FGF13: variants seen among roughly 807,000 people sequenced by gnomAD.
FGF13 encodes fibroblast growth factor 13, also known as fibroblast growth factor homologous factor 2.
A neutral mutation model predicts 19.5 loss-of-function variants in FGF13; 2 were observed. The observed-to-expected ratio is 0.10, with a 90% CI of 0.04 to 0.32. The LOEUF is 0.32. Among genes scored for constraint, FGF13 ranks in the 10% least tolerant of loss-of-function variants. The probability of loss-of-function intolerance (pLI) is 1.00; values close to 1 mark genes in which losing one functional copy is unlikely to be tolerated. For synonymous variants in FGF13, 72 were observed against 76.9 expected (o/e 0.94, Z 0.33); for missense variants, 113 against 192.7 (o/e 0.59, Z 2.45).
chrX:138,833,059 C>T (rs75290496), intron 3 of FGF13, among the ~76,000 whole-genome samples: 3 of 111,924 alleles, frequency 2.7e-5, no homozygotes, highest in Non-Finnish European at 5.6e-5. Context: ...GTTTTGGTTA[C>T]TGTAGTCCTG....
At chrX:138,648,583 T>C (rs1198859308) in intron 3 of FGF13, among the ~76,000 whole-genome samples, 1 of 111,746 alleles carries the variant, frequency 8.9e-6, no homozygotes, top group Non-Finnish European at 1.9e-5. Flanking sequence ...ACAAGGAGTA[T>C]GTAACTAATT....
chrX:139,112,531 A>T (rs2083610890), intron 1 of FGF13, among the ~76,000 whole-genome samples: 1 of 111,865 alleles, frequency 8.9e-6, no homozygotes, highest in Admixed American at 9.5e-5. Flanking sequence ...AAAAGCTTGC[A>T]CCCATTAGCA....
chrX:138,654,950 T>G (rs1268891665), intron 3 of FGF13, among the ~76,000 whole-genome samples: 1 of 111,333 alleles, frequency 9.0e-6, no homozygotes, highest in African/African-American at 3.3e-5. Flanking sequence ...CCCAGGAGAT[T>G]TCTCTGCAAG....
At chrX:138,646,338 G>C (rs1249115423) in intron 3 of FGF13, among the ~76,000 whole-genome samples, 1 of 111,809 alleles carries the variant, frequency 8.9e-6, no homozygotes, top group Non-Finnish European at 1.9e-5. Flanking sequence ...ATCCAGTGCA[G>C]GGAAGCAGCT....
chrX:139,120,972 G>A (rs1368336414), intron 1 of FGF13, among the ~76,000 whole-genome samples: 1 of 112,415 alleles, frequency 8.9e-6, no homozygotes, highest in African/African-American at 3.2e-5. Context: ...GACCTCACTC[G>A]CGAATAATTT....
intron 1 of FGF13, among the ~76,000 whole-genome samples, chrX:138,928,539 A>AC (rs1171151889): frequency 1.8e-5 from 2 of 110,247 alleles, no homozygotes; most frequent in African/African-American, 6.6e-5. Flanking sequence ...AAAGAAAAAG[A>AC]CCCCACCCAG....
intron 3 of FGF13, among the ~76,000 whole-genome samples, chrX:138,670,714 A>G (rs2089602364): frequency 9.0e-6 from 1 of 111,503 alleles, no homozygotes; most frequent in African/African-American, 3.3e-5. Context: ...TTTTTGTTTC[A>G]GTATAAAATA....
chrX:139,043,471 C>A (rs537150950), intron 1 of FGF13, among the ~76,000 whole-genome samples: 2 of 110,767 alleles, frequency 1.8e-5, no homozygotes, highest in South Asian at 7.7e-4. Flanking sequence ...CCTCGGCTTC[C>A]CAAAGTGCTG....
At chrX:138,889,485 C>T (rs756665803) in intron 1 of FGF13, among the ~76,000 whole-genome samples, 1 of 111,663 alleles carries the variant, frequency 9.0e-6, no homozygotes, top group Non-Finnish European at 1.9e-5. Context: ...ATGGCAAACC[C>T]CAAGGGTAAC....
At chrX:139,081,448 C>T (rs1245559334) in intron 1 of FGF13, among the ~76,000 whole-genome samples, 1 of 111,890 alleles carries the variant, frequency 8.9e-6, no homozygotes. Flanking sequence ...TTTCCATCTA[C>T]ACTTCGTTAT....
chrX:138,772,547 A>G (rs1442788683), intron 3 of FGF13, among the ~76,000 whole-genome samples: 1 of 111,344 alleles, frequency 9.0e-6, no homozygotes, highest in Non-Finnish European at 1.9e-5. Flanking sequence ...TCTTCAATCC[A>G]TGCTGTTTTC....
chrX:138,708,764 A>T (rs1311515136), intron 2 of FGF13, 54 bp downstream of exon 2: 2 of 786,691 alleles, frequency 2.5e-6, no homozygotes, highest in East Asian at 3.2e-5. Flanking sequence ...AAATAAATAA[A>T]AACAGAATGT....
At chrX:138,670,771 C>G (rs755970814) in intron 3 of FGF13, among the ~76,000 whole-genome samples, 10 of 111,587 alleles carry the variant, frequency 9.0e-5, no homozygotes, top group African/African-American at 3.2e-4. Flanking sequence ...TTCTGGAATA[C>G]TCAACTTATA....
intron 1 of FGF13, among the ~76,000 whole-genome samples, chrX:138,973,199 T>C (rs763611209): frequency 8.9e-6 from 1 of 111,848 alleles, no homozygotes; most frequent in Non-Finnish European, 1.9e-5. Context: ...GGCTTTTGTA[T>C]GTTGTGTTTC....
intron 1 of FGF13, 73 bp from the exon 2 acceptor site, chrX:138,709,001 T>C: frequency 1.9e-6 from 1 of 526,413 alleles, no homozygotes; most frequent in Non-Finnish European, 3.1e-6. Flanking sequence ...GGAATTTCAA[T>C]TTCTAATTTC....
intron 1 of FGF13, among the ~76,000 whole-genome samples, chrX:138,710,335 C>CA (rs1484133629): frequency 2.0e-4 from 21 of 104,991 alleles, no homozygotes; most frequent in Admixed American, 1.9e-3. Flanking sequence ...CAAAGAAACG[C>CA]AATGCCTAGA....
At chrX:138,907,348 C>T (rs1413043791) in intron 1 of FGF13, among the ~76,000 whole-genome samples, 1 of 111,805 alleles carries the variant, frequency 8.9e-6, no homozygotes, top group Non-Finnish European at 1.9e-5. Context: ...TCCCCCTCCC[C>T]TCTCCCTAAC....
chrX:139,146,791 A>G (rs750402539), intron 1 of FGF13, among the ~76,000 whole-genome samples: 15 of 111,763 alleles, frequency 1.3e-4, no homozygotes, highest in African/African-American at 4.6e-4. Context: ...ATGCAGCCAT[A>G]AAAAAGGATG....
At chrX:138,856,602 C>T (rs758018553), downstream of FGF13, among the ~76,000 whole-genome samples, 5 of 112,111 alleles carry the variant, frequency 4.5e-5, no homozygotes, top group African/African-American at 1.6e-4. Context: ...AATTTTGTCA[C>T]TTCCAAATGT....
Sources: allele counts gnomAD v4.1 joint callset (sites outside exome capture counted in the v4.1 genomes callset), GRCh38; gene constraint gnomAD v4.1.1; transcripts MANE v1.5; gene names NCBI Gene and HGNC (gene_info 2026-07-23, HGNC 2026-07-21).